Variants in COL6A5 observed in about 807,000 individuals in gnomAD.
COL6A5 encodes the protein collagen type VI alpha 5 chain.
In COL6A5, 48 loss-of-function variants were observed where a neutral mutation model predicts 65.6. The observed-to-expected ratio is 0.73, with a 90% confidence interval of 0.58 to 0.93. COL6A5 has a LOEUF of 0.93. COL6A5 is among the 40% of genes least tolerant of loss of function. The pLI, the probability that COL6A5 is intolerant of heterozygous loss-of-function variation, is 0.00. For synonymous variants in COL6A5, 291 were observed against 322.8 expected (o/e 0.90, Z 1.05); for missense variants, 914 against 928.3 (o/e 0.98, Z 0.20).
intron 6 of COL6A5, 32 bp downstream of exon 6, chr3:130,389,166 G>T (rs993925491): frequency 7.5e-7 from 1 of 1,328,560 alleles, no homozygotes; most frequent in African/African-American, 1.5e-5. Context: ...CAGGACTAAA[G>T]GATGTGAGCT....
chr3:130,452,345 C>G (rs1172959516), intron 4 of COL6A5, among the ~76,000 whole-genome samples: 1 of 43,352 alleles, frequency 2.3e-5, no homozygotes, highest in Non-Finnish European at 1.1e-4. Context: ...AAAATTCACC[C>G]CTGATATTCA....
Position 130,398,125 on chromosome 3 carries a change from G to GTT in COL6A5, c.3991+15_3991+16dup, listed in dbSNP as rs747107091. 9,351 of 1,045,956 alleles carry GTT rather than the reference G, an allele frequency of 8.9e-3. 128 individuals are homozygous for GTT. The highest frequency in any genetic ancestry group is 0.036 in the African/African-American group (1,847 of 51,600). 64.8% of individuals were successfully genotyped at this position (1,045,956 alleles called of 1,614,324 possible). A position where few individuals can be genotyped will look rare whatever the true frequency, so the allele number is the denominator to read the frequency against. On this transcript the variant is annotated intron_variant and NMD_transcript_variant, in intron 10 of 41. Coordinates refer to the COL6A5 transcript ENST00000312481. ...TCAGAGAAGCAGGTATTGAGTTGTT[G>GTT]TTGTTTTTTTTTTTTTTTTTTTTGA...
chr3:130,413,341 A>G (rs1937236099), intron 20 of COL6A5, among the ~76,000 whole-genome samples: 1 of 151,802 alleles, frequency 6.6e-6, no homozygotes, highest in Non-Finnish European at 1.5e-5. Context: ...TGACTTTTAG[A>G]TTAGTTTGCA....
intron 1 of COL6A5, among the ~76,000 whole-genome samples, chr3:130,369,516 G>A (rs1270248426): frequency 6.6e-6 from 1 of 151,970 alleles, no homozygotes; most frequent in Non-Finnish European, 1.5e-5. Context: ...TTTATATTTT[G>A]CTAAATTAAG....
chr3:130,381,086 G>A (rs1033360649), intron 4 of COL6A5, among the ~76,000 whole-genome samples: 1 of 152,110 alleles, frequency 6.6e-6, no homozygotes, highest in African/African-American at 2.4e-5. Flanking sequence ...AGAGTTATAT[G>A]TGCCATTTCT....
rs1031517365 is a variant in COL6A5, at chr3:130,471,955, C to A, written c.2328+988C>A. The A allele has an allele frequency of 2.6e-6, 4 of 1,519,814 alleles. No homozygotes were observed. In the South Asian group the frequency reaches 4.9e-5, roughly 19 times the overall value. 94.1% of individuals were successfully genotyped at this position (1,519,814 alleles called of 1,614,324 possible). On this transcript the variant is annotated intron_variant, in intron 7 of 7. Coordinates refer to ENST00000512836, the Ensembl canonical transcript of COL6A5. ...ATCGTGAGTACCATAGAGCTGAAGA[C>A]CCTCAAGTACCTTTGTTTGGATTTT...
chr3:130,375,867 G>T (rs1366388767), intron 2 of COL6A5, among the ~76,000 whole-genome samples: 1 of 151,916 alleles, frequency 6.6e-6, no homozygotes, highest in Non-Finnish European at 1.5e-5. Flanking sequence ...CCTCCTATTG[G>T]GTCCCTCCCA....
intron 7 of COL6A5, among the ~76,000 whole-genome samples, chr3:130,482,653 G>A (rs561825237): frequency 1.1e-4 from 16 of 152,180 alleles, no homozygotes; most frequent in African/African-American, 3.4e-4. Flanking sequence ...CCATTTTCAC[G>A]ATATTGATTC....
At chr3:130,419,536 G>T (rs549122860) in intron 25 of COL6A5, among the ~76,000 whole-genome samples, 3 of 152,216 alleles carry the variant, frequency 2.0e-5, no homozygotes, top group Admixed American at 2.0e-4. Context: ...ATGGATGAAT[G>T]GATAAAGAAA....
chr3:130,399,150 G>A (rs1236458003), intron 10 of COL6A5, among the ~76,000 whole-genome samples: 4 of 152,174 alleles, frequency 2.6e-5, no homozygotes, highest in African/African-American at 9.7e-5. Context: ...GAATTCCTTG[G>A]TGTAGCCCAG....
At chr3:130,376,458 C>A in exon 3 of COL6A5, 2 of 1,612,240 alleles carry the variant, frequency 1.2e-6, no homozygotes, top group Non-Finnish European at 1.7e-6. Context: ...GCTGAACCAC[C>A]TCAAGAAGAA....
At chr3:130,353,586 T>A (rs905891247) in intron 1 of COL6A5, among the ~76,000 whole-genome samples, 2 of 152,088 alleles carry the variant, frequency 1.3e-5, no homozygotes, top group African/African-American at 4.8e-5. Flanking sequence ...AAATAGAGTT[T>A]TGATTTAGAG....
intron 1 of COL6A5, among the ~76,000 whole-genome samples, chr3:130,372,795 A>G (rs1041198094): frequency 6.6e-6 from 1 of 152,166 alleles, no homozygotes; most frequent in Non-Finnish European, 1.5e-5. Context: ...CCAGCTTCCA[A>G]TGATTCTATC....
chr3:130,374,144 G>A (rs938665848), intron 2 of COL6A5, among the ~76,000 whole-genome samples: 25 of 152,160 alleles, frequency 1.6e-4, no homozygotes, highest in Non-Finnish European at 1.5e-5. Context: ...ACAGTCATAC[G>A]TCACTTAACA....
At chr3:130,455,312 T>G in intron 4 of COL6A5, 143 bp from the exon 37 acceptor site, 1 of 603,298 alleles carries the variant, frequency 1.7e-6, no homozygotes, top group Non-Finnish European at 2.9e-6. Context: ...TCTCAATGAA[T>G]TATTTGATTG....
At chr3:130,413,694 C>A in intron 21 of COL6A5, 114 bp downstream of exon 21, 1 of 1,079,590 alleles carries the variant, frequency 9.3e-7, no homozygotes, top group Non-Finnish European at 1.4e-6. Flanking sequence ...ATAGGAAGTG[C>A]CCAGTACTGG....
chr3:130,420,239 GA>G, intron 25 of COL6A5, among the ~76,000 whole-genome samples: 1 of 151,586 alleles, frequency 6.6e-6, no homozygotes, highest in Non-Finnish European at 1.5e-5. Flanking sequence ...GGAAGAAAAG[GA>G]AAATTACTTA....
intron 4 of COL6A5, among the ~76,000 whole-genome samples, chr3:130,381,784 G>A (rs1936003993): frequency 6.6e-6 from 1 of 152,020 alleles, no homozygotes; most frequent in Non-Finnish European, 1.5e-5. Flanking sequence ...TTTGAACTCA[G>A]ACCAGCTTCA....
At chr3:130,396,463 G>A (rs561717792) in intron 8 of COL6A5, among the ~76,000 whole-genome samples, 6 of 152,306 alleles carry the variant, frequency 3.9e-5, no homozygotes, top group Admixed American at 2.0e-4. Context: ...CTCCACACAC[G>A]ACTGTTTCCC....
Sources: gnomAD v4.1 joint callset for allele counts (sites outside exome capture counted in the v4.1 genomes callset) on GRCh38, gnomAD v4.1.1 for gene constraint, MANE v1.5 for transcripts, NCBI Gene and HGNC (gene_info 2026-07-23, HGNC 2026-07-21) for gene names.